Variants in ARB2A observed in about 807,000 individuals in gnomAD.
The protein encoded by ARB2A is ARB2 cotranscriptional regulator A.
At chr5:94,048,998 T>C in the ARB2A span, among the ~76,000 whole-genome samples, 1 of 152,228 alleles carries the variant, frequency 6.6e-6, no homozygotes, top group East Asian at 1.9e-4. Context: ...ATATTCTTTA[T>C]GTGATAATTT....
the ARB2A span, among the ~76,000 whole-genome samples, chr5:93,628,052 A>ATT: frequency 3.5e-4 from 24 of 68,330 alleles, no homozygotes; most frequent in South Asian, 4.8e-4. Context: ...ATGTAGCATA[A>ATT]TTTTTTTTTT....
At chr5:93,815,470 C>T in the ARB2A span, among the ~76,000 whole-genome samples, 1 of 152,140 alleles carries the variant, frequency 6.6e-6, no homozygotes, top group Non-Finnish European at 1.5e-5. Context: ...AAGACCAGTC[C>T]AGAGTATCTT....
the ARB2A span, among the ~76,000 whole-genome samples, chr5:93,752,036 G>A: frequency 6.6e-6 from 1 of 152,178 alleles, no homozygotes; most frequent in Non-Finnish European, 1.5e-5. Flanking sequence ...GAGTCTTCAG[G>A]TCGGGGAAAC....
the ARB2A span, among the ~76,000 whole-genome samples, chr5:93,921,792 G>A: frequency 1.2e-3 from 178 of 152,278 alleles, no homozygotes; most frequent in African/African-American, 4.1e-3. Context: ...TGTACAACAA[G>A]AAGTCCTGGA....
the ARB2A span, among the ~76,000 whole-genome samples, chr5:93,957,044 A>T: frequency 1.3e-5 from 2 of 152,180 alleles, no homozygotes; most frequent in African/African-American, 4.8e-5. Flanking sequence ...GAAAAAAATC[A>T]AGACAGTGAA....
At chr5:93,629,843 T>A in the ARB2A span, among the ~76,000 whole-genome samples, 4 of 152,166 alleles carry the variant, frequency 2.6e-5, no homozygotes, top group African/African-American at 4.8e-5. Context: ...TAAAAATTGA[T>A]CTTTAACAAG....
the ARB2A span, chr5:93,737,963 G>C: frequency 1.4e-5 from 6 of 442,608 alleles, no homozygotes; most frequent in African/African-American, 1.2e-4. Flanking sequence ...AGAAAAAATG[G>C]ATAAGCTGGA....
chr5:93,860,710 A>G, the ARB2A span: 1 of 147,374 alleles, frequency 6.8e-6, no homozygotes, highest in Non-Finnish European at 1.5e-5. Flanking sequence ...GCTGGAGCGC[A>G]GTGGCACGAT....
the ARB2A span, among the ~76,000 whole-genome samples, chr5:94,011,459 T>C: frequency 4.6e-5 from 7 of 152,192 alleles, no homozygotes; most frequent in African/African-American, 1.7e-4. Context: ...TTGTTACTTA[T>C]GTGCTCTCGG....
the ARB2A span, among the ~76,000 whole-genome samples, chr5:94,107,510 T>C: frequency 2.0e-5 from 3 of 149,182 alleles, no homozygotes; most frequent in Non-Finnish European, 4.4e-5. Context: ...ATTATGACAG[T>C]GTACAAAACA....
chr5:93,737,911 C>A, the ARB2A span: 3 of 447,976 alleles, frequency 6.7e-6, no homozygotes, highest in African/African-American at 6.1e-5. Flanking sequence ...AGCAAATCTT[C>A]ATGACTTTGC....
chr5:93,682,332 A>G, the ARB2A span, among the ~76,000 whole-genome samples: 4 of 152,054 alleles, frequency 2.6e-5, no homozygotes, highest in East Asian at 1.9e-4. Context: ...TGTCATTGCA[A>G]TATTAGTCCT....
the ARB2A span, among the ~76,000 whole-genome samples, chr5:93,984,244 C>CAT: frequency 6.6e-6 from 1 of 151,794 alleles, no homozygotes; most frequent in African/African-American, 2.4e-5. Context: ...TACAAGGAAC[C>CAT]ATATATATAA....
chr5:94,111,638 G>C, the ARB2A span: 1 of 152,282 alleles, frequency 6.6e-6, no homozygotes, highest in African/African-American at 2.4e-5. Context: ...CCCCGACCAA[G>C]TTCGAGTTGC....
At chr5:93,986,336 C>T in the ARB2A span, among the ~76,000 whole-genome samples, 12 of 151,124 alleles carry the variant, frequency 7.9e-5, no homozygotes, top group South Asian at 8.4e-4. Flanking sequence ...GGGGCGCCCC[C>T]GCCCGGCAGC....
At chr5:93,632,724 G>A in the ARB2A span, among the ~76,000 whole-genome samples, 14 of 152,164 alleles carry the variant, frequency 9.2e-5, no homozygotes, top group African/African-American at 2.2e-4. Context: ...TCCTTTACAC[G>A]GCTCAGAGTA....
chr5:93,894,596 G>A, the ARB2A span, among the ~76,000 whole-genome samples: 1 of 152,154 alleles, frequency 6.6e-6, no homozygotes, highest in Non-Finnish European at 1.5e-5. Context: ...AGCAAACAGA[G>A]CAGAGCACAA....
the ARB2A span, among the ~76,000 whole-genome samples, chr5:93,770,361 G>GA: frequency 1.3e-5 from 2 of 152,108 alleles, no homozygotes; most frequent in African/African-American, 2.4e-5. Context: ...TACTGAATGG[G>GA]AAAAAACTGG....
At chr5:93,927,428 T>C in the ARB2A span, among the ~76,000 whole-genome samples, 1 of 152,160 alleles carries the variant, frequency 6.6e-6, no homozygotes, top group African/African-American at 2.4e-5. Context: ...TGTTTGTGGC[T>C]AAGCCTCTTG....
Sources: allele counts gnomAD v4.1 joint callset (sites outside exome capture counted in the v4.1 genomes callset), GRCh38; gene constraint gnomAD v4.1.1; transcripts MANE v1.5; gene names NCBI Gene and HGNC (gene_info 2026-07-23, HGNC 2026-07-21).